Variants in SESN3 observed in about 807,000 individuals in gnomAD.
SESN3 encodes the protein sestrin-3.
SESN3 carries 21 observed loss-of-function variants against 55.3 expected under a neutral mutation model. That is an observed-to-expected ratio of 0.38 (90% CI 0.27 to 0.55). The LOEUF is 0.55. Among genes scored for constraint, SESN3 ranks in the 20% least tolerant of loss-of-function variants. The pLI is 0.76. For synonymous variants in SESN3, 181 were observed against 203.1 expected (o/e 0.89, Z 0.93); for missense variants, 408 against 604.3 (o/e 0.68, Z 3.41).
Position 95,184,461 on chromosome 11 carries a change from A to G in SESN3, c.896T>C (p.Phe299Ser). The stretch of plus-strand genomic sequence containing the variant: ...ATGAAAAGTATCTCCAGAGACCACA[A>G]AAAGACTTTCTTTCTTCTCCTTTTC... ...RFEKEKKESL[F>S]VVSGDTFHSF... is the part of the protein sequence containing the mutation. Residue 299 changes from phenylalanine (F) to serine (S), a missense_variant, in exon 6 of 10, where the codon TTT becomes TCT. By Grantham distance (155) the Phe-to-Ser change is radical (BLOSUM62 -2). Around this residue, in one of 4 missense-constraint regions of SESN3, gnomAD observed 119 missense variants for 139.9 expected, o/e 0.85. Coordinates refer to ENST00000536441, the MANE Select transcript of SESN3 (RefSeq NM_144665.4). The G allele has an allele frequency of 1.9e-6, 3 of 1,613,660 alleles. No homozygotes were observed. The highest frequency in any genetic ancestry group is 2.5e-6 in the Non-Finnish European group (3 of 1,179,808).
At chr11:95,194,809 T>C (rs148441043) in intron 1 of SESN3, among the ~76,000 whole-genome samples, 4,795 of 151,834 alleles carry the variant, frequency 0.032, 102 homozygotes, top group Non-Finnish European at 0.047. Flanking sequence ...CTCCATAAGA[T>C]ATAGAAAAAA....
intron 1 of SESN3, among the ~76,000 whole-genome samples, chr11:95,215,269 G>A (rs1860730798): frequency 9.8e-6 from 1 of 101,558 alleles, no homozygotes; most frequent in Admixed American, 1.4e-4. Flanking sequence ...GGTGGGGGGT[G>A]GGGTAATAAT....
chr11:95,225,741 T>C (rs947406672), intron 1 of SESN3, among the ~76,000 whole-genome samples: 4 of 152,004 alleles, frequency 2.6e-5, no homozygotes, highest in African/African-American at 9.7e-5. Flanking sequence ...AGGAAGAAAA[T>C]GAAAAGGCTG....
chr11:95,216,657 A>C (rs1286438105), intron 1 of SESN3, among the ~76,000 whole-genome samples: 1 of 152,166 alleles, frequency 6.6e-6, no homozygotes, highest in Non-Finnish European at 1.5e-5. Flanking sequence ...CCACTGTGAC[A>C]AATATGTTTT....
In SESN3 at chr11:95,191,545, A is replaced by C; in HGVS notation, c.201T>G (p.Ser67=). The C allele has an allele frequency of 6.2e-7, 1 of 1,612,906 alleles. No homozygotes were observed. Among genetic ancestry groups the C allele is most frequent in the South Asian group, 1.1e-5 (1 of 91,058 alleles). ...ERTNFLVEEY[S]TSGRLDNITQ... Reference sequence around the variant, plus strand: ...TGATGTTGTCCAGACGACCGGATGTAGAGTATTCTTCCACAAGAAAGTTAG... The same window carrying C: ...TGATGTTGTCCAGACGACCGGATGTCGAGTATTCTTCCACAAGAAAGTTAG... Residue 67 remains serine, a synonymous_variant, in exon 3 of 10, where the codon TCT becomes TCG. Transcript: ENST00000536441.
chr11:95,196,784 C>T (rs1860369053), intron 1 of SESN3, among the ~76,000 whole-genome samples: 1 of 152,224 alleles, frequency 6.6e-6, no homozygotes, highest in Non-Finnish European at 1.5e-5. Context: ...GCAGACAGTT[C>T]TACCGGACAG....
rs2134277897 is a variant in SESN3 at position 95,230,612 on chromosome 11, T to C, written c.78+171A>G. 1 of 556,312 alleles carries C rather than the reference T, an allele frequency of 1.8e-6. No homozygotes were observed. Among genetic ancestry groups the C allele is most frequent in the Middle Eastern group, 4.7e-4 (1 of 2,128 alleles). The allele number at this position is 556,312 out of a possible 1,614,324, so 34.5% of individuals were successfully genotyped here. On this transcript the variant is annotated intron_variant, in intron 1 of 9. Transcript: ENST00000536441. This position sits in a 1 kb window ranked among gnomAD's most constrained non-coding sequence, Gnocchi z 4.6. Reference sequence around the variant, plus strand: ...TCCCGGCGGAAATAAAAAGCCGCAGTAGTCCAAACCCTCCTGCCCTCAACC... The same window carrying C: ...TCCCGGCGGAAATAAAAAGCCGCAGCAGTCCAAACCCTCCTGCCCTCAACC...
At chr11:95,197,169 G>A (rs1860376184) in intron 1 of SESN3, among the ~76,000 whole-genome samples, 1 of 152,110 alleles carries the variant, frequency 6.6e-6, no homozygotes, top group African/African-American at 2.4e-5. Context: ...TACAACCCCA[G>A]TATTGTTAAC....
At chr11:95,204,087 T>C (rs775136172) in intron 1 of SESN3, 10 of 152,156 alleles carry the variant, frequency 6.6e-5, no homozygotes, top group Non-Finnish European at 1.3e-4. Flanking sequence ...TACTAAAGTA[T>C]ACAGCAGGTA....
At chr11:95,183,702 G>C (rs978123724) in intron 6 of SESN3, among the ~76,000 whole-genome samples, 1 of 145,100 alleles carries the variant, frequency 6.9e-6, no homozygotes, top group Non-Finnish European at 1.5e-5. Context: ...AAAAAAAAAA[G>C]TTATGCACAT....
intron 4 of SESN3, among the ~76,000 whole-genome samples, chr11:95,187,707 G>A (rs998120006): frequency 6.6e-6 from 1 of 151,650 alleles, no homozygotes; most frequent in Non-Finnish European, 1.5e-5. Context: ...TATCTCCTTG[G>A]ATGGGCCATT....
chr11:95,181,362 T>G (rs1465925230), intron 6 of SESN3, among the ~76,000 whole-genome samples: 1 of 152,090 alleles, frequency 6.6e-6, no homozygotes, highest in African/African-American at 2.4e-5. Flanking sequence ...CTAGACAATT[T>G]TTATTCACAG....
chr11:95,203,142 G>A (rs543212144), intron 1 of SESN3, among the ~76,000 whole-genome samples: 1 of 152,208 alleles, frequency 6.6e-6, no homozygotes, highest in Non-Finnish European at 1.5e-5. Context: ...CTACCAGCTT[G>A]ACTATAGTAT....
At chr11:95,211,702 G>A (rs1323021128) in intron 1 of SESN3, among the ~76,000 whole-genome samples, 2 of 152,012 alleles carry the variant, frequency 1.3e-5, no homozygotes, top group South Asian at 2.1e-4. Flanking sequence ...CCCGGGAGGC[G>A]GAGGTTGCAG....
chr11:95,177,254 G>A (rs903417528), intron 8 of SESN3, among the ~76,000 whole-genome samples: 1 of 152,078 alleles, frequency 6.6e-6, no homozygotes, highest in Non-Finnish European at 1.5e-5. Flanking sequence ...TAATTTCAGT[G>A]TTATGTGACC....
intron 8 of SESN3, among the ~76,000 whole-genome samples, chr11:95,177,428 C>T (rs1237712728): frequency 1.3e-5 from 2 of 152,124 alleles, no homozygotes; most frequent in Non-Finnish European, 2.9e-5. Context: ...CTCACCTGTT[C>T]TTCCAGGAAG....
chr11:95,173,436 A>G, intron 9 of SESN3, 95 bp from the exon 10 acceptor site: 1 of 626,616 alleles, frequency 1.6e-6, no homozygotes, highest in East Asian at 2.7e-5. Flanking sequence ...GTATATAAGC[A>G]ATATACACAC....
rs562256542 is a variant in SESN3 at position 95,212,500 on chromosome 11, CTAGAT to C, written c.78+18278_78+18282del. ...TTTCAGTTCCTAATAGATAATATCT[CTAGAT>C]TAACACACAGTGCTCAGATTATATA... is the stretch of plus-strand genomic sequence containing the variant. On this transcript the variant is annotated intron_variant, in intron 1 of 9. Transcript: ENST00000536441. 2.9e-3 allele frequency among the ~76,000 whole-genome samples: 441 copies of C among 152,114 alleles called. 4 individuals carry two copies. The highest frequency in any genetic ancestry group is 9.8e-3 in the African/African-American group (407 of 41,518).
At position 95,166,335 on chromosome 11, in the gene SESN3, A is replaced by G. The variant is rs688272; in HGVS notation, c.*6920T>C. 3 of 152,180 alleles carry G rather than the reference A, an allele frequency of 2.0e-5. No individual in the cohort carries two copies. The allele number at this position is 152,180 out of a possible 1,614,324, so 9.4% of individuals were successfully genotyped here. ...GCAAAACATCACAGCTTCTGATTACATTGAATAAAAAGTACCAAGAAACGC... is the reference window on the plus strand; with the variant it reads ...GCAAAACATCACAGCTTCTGATTACGTTGAATAAAAAGTACCAAGAAACGC... On this transcript the variant is annotated 3_prime_UTR_variant, in exon 10 of 10. Coordinates refer to ENST00000536441, the MANE Select transcript of SESN3 (RefSeq NM_144665.4).
Sources: gnomAD v4.1 joint callset for allele counts (sites outside exome capture counted in the v4.1 genomes callset) on GRCh38, gnomAD v4.1.1 for gene constraint, gnomAD v4.1.1 regional missense constraint, Gnocchi (gnomAD v3.1) non-coding constraint, MANE v1.5 for transcripts, NCBI Gene and HGNC (gene_info 2026-07-23, HGNC 2026-07-21) for gene names.